Variants in SRM observed in about 807,000 individuals in gnomAD.
SRM encodes the protein putrescine aminopropyltransferase.
A neutral mutation model predicts 39.3 loss-of-function variants in SRM; 14 were observed. The observed-to-expected ratio is 0.36, with a 90% confidence interval of 0.24 to 0.56. The LOEUF (loss-of-function observed/expected upper bound fraction) is 0.56, where lower values mean the gene tolerates loss of function less well. SRM is among the 20% of genes least tolerant of loss of function. The pLI, the probability that SRM is intolerant of heterozygous loss-of-function variation, is 0.86. For synonymous variants in SRM, 195 were observed against 173.1 expected (o/e 1.13, Z -0.99); for missense variants, 244 against 409.2 (o/e 0.60, Z 3.48).
chr1:11,054,751 C>A lies in SRM; in HGVS notation c.*114G>T. On this transcript the variant is annotated 3_prime_UTR_variant, in exon 8 of 8. Coordinates refer to ENST00000376957, the MANE Select transcript of SRM (RefSeq NM_003132.3). This position sits in a 1 kb window ranked among gnomAD's most constrained non-coding sequence, Gnocchi z 4.8. ...GGGCAGCATTCTGGGGCTTGTAACA[C>A]TTGGTTGGTGGGCGAGAGCCAGCAG... 7.0e-7 allele frequency: 1 copy of A among 1,433,732 alleles called. No homozygotes were observed. The highest frequency in any genetic ancestry group is 9.3e-7 in the Non-Finnish European group (1 of 1,076,090). 88.8% of individuals were successfully genotyped at this position (1,433,732 alleles called of 1,614,324 possible).
chr1:11,056,771 G>T lies in SRM; in HGVS notation c.382-14C>A. The T allele has an allele frequency of 6.2e-7, 1 of 1,614,018 alleles. No homozygotes were observed. The highest frequency in any genetic ancestry group is 8.5e-7 in the Non-Finnish European group (1 of 1,179,960). On this transcript the variant is annotated splice_polypyrimidine_tract_variant and intron_variant, in intron 3 of 7. Transcript: ENST00000376957. ...TTGGATGACATCCTGGAGGGGATGG[G>T]AGGGACCAGTCTGGGCCAAGGGGCT...
chr1:11,058,661 C>G (rs1236072931), intron 3 of SRM, 139 bp downstream of exon 3: 1 of 689,676 alleles, frequency 1.4e-6, no homozygotes, highest in Non-Finnish European at 2.3e-6. Flanking sequence ...GGTTTTCCTA[C>G]TGAACCCTCC....
rs758392295 is a variant in SRM at position 11,055,119 on chromosome 1, A to AC, written c.766-36dup. On this transcript the variant is annotated intron_variant, in intron 6 of 7. Coordinates refer to ENST00000376957, the MANE Select transcript of SRM (RefSeq NM_003132.3). ...GGGCCAGGGGCACATCAGGGGGGGC[A>AC]CTTTTTTTTTTTTTTTTTTGAGACG... is the stretch of plus-strand genomic sequence containing the variant. 2.8e-6 allele frequency: 4 copies of AC among 1,438,752 alleles called. No individual in the cohort carries two copies. The African/African-American group carries it at 4.7e-5, about 17-fold the overall frequency. The allele number at this position is 1,438,752 out of a possible 1,614,324, so 89.1% of individuals were successfully genotyped here.
At chr1:11,055,752 A>ACCCCCCCCCCCCAACCCC in intron 6 of SRM, 29 bp downstream of exon 6, 1 of 1,466,030 alleles carries the variant, frequency 6.8e-7, no homozygotes, top group Non-Finnish European at 9.3e-7. Flanking sequence ...CTTCCCCCCA[A>ACCCCCCCCCCCCAACCCC]CCCCCACCCC....
chr1:11,059,122 C>A, intron 2 of SRM, 103 bp downstream of exon 2: 1 of 1,578,826 alleles, frequency 6.3e-7, no homozygotes, highest in Non-Finnish European at 8.6e-7. Flanking sequence ...CCTGGCCTCG[C>A]TAGCACTTTC....
intron 3 of SRM, among the ~76,000 whole-genome samples, 191 bp from the exon 4 acceptor site, chr1:11,056,948 G>A (rs1199717928): frequency 6.6e-6 from 1 of 151,976 alleles, no homozygotes; most frequent in Non-Finnish European, 1.5e-5. Flanking sequence ...CATCGATCAT[G>A]GCTCACTACA....
intron 1 of SRM, chr1:11,059,547 T>C (rs1638939941): frequency 2.1e-6 from 2 of 972,642 alleles, no homozygotes; most frequent in Admixed American, 5.6e-5. Flanking sequence ...GGCTCTGACG[T>C]GTCCTGAGGG....
intron 1 of SRM, 88 bp downstream of exon 1, chr1:11,059,689 G>T: frequency 1.4e-6 from 2 of 1,419,710 alleles, no homozygotes; most frequent in South Asian, 1.3e-5. Flanking sequence ...CAGCCCGCTT[G>T]GGTCCCGGCG....
intron 1 of SRM, 200 bp downstream of exon 1, chr1:11,059,577 G>T: frequency 2.2e-6 from 2 of 902,802 alleles, no homozygotes; most frequent in Admixed American, 2.9e-5. Flanking sequence ...GGAGCGGGGC[G>T]CAGACTCCGA....
rs761730283 is a variant in SRM at position 11,059,824 on chromosome 1, C to T, written c.120G>A (p.Leu40=). 271 of 1,575,912 alleles carry T rather than the reference C, an allele frequency of 1.7e-4. No individual in the cohort carries two copies. Among genetic ancestry groups the T allele is most frequent in the Non-Finnish European group, 2.3e-4 (267 of 1,170,854 alleles). The change falls in exon 1 of 8, where the codon CTG becomes CTA. Residue 40 remains leucine (L), a synonymous_variant. Coordinates refer to ENST00000376957, the MANE Select transcript of SRM (RefSeq NM_003132.3). ...GGTAGCGCGAGCGCCGGTGGTGGAG[C>T]AGCTGCTCCACCTGCAGTGACAGGG... The part of the protein sequence containing the change: ...GQALSLQVEQ[L]LHHRRSRYQD...
At position 11,056,734 on chromosome 1, in the gene SRM, C is replaced by T; in HGVS notation, c.405G>A (p.Lys135=). The change falls in exon 4 of 8, where the codon AAG becomes AAA. Residue 135 remains lysine, a synonymous_variant. Transcript: ENST00000376957. ...AGCCAATGGCCATGCCTGGCAGGAA[C>T]TTCTTGGAGACTTGGATGACATCCT... The part of the protein sequence containing the change: ...IDEDVIQVSK[K]FLPGMAIGYS... 5.6e-6 allele frequency: 9 copies of T among 1,614,186 alleles called. No individual in the cohort carries two copies. Among genetic ancestry groups the T allele is most frequent in the Non-Finnish European group, 7.6e-6 (9 of 1,180,024 alleles).
At position 11,054,625 on chromosome 1, in the gene SRM, A is replaced by C; in HGVS notation, c.*240T>G. 1.8e-6 allele frequency: 1 copy of C among 559,848 alleles called. No individual in the cohort carries two copies. The highest frequency in any genetic ancestry group is 1.9e-5 in the African/African-American group (1 of 52,448). 34.7% of individuals were successfully genotyped at this position (559,848 alleles called of 1,614,324 possible). On this transcript the variant is annotated 3_prime_UTR_variant, in exon 8 of 8. Coordinates refer to ENST00000376957, the MANE Select transcript of SRM (RefSeq NM_003132.3). This position sits in a 1 kb window ranked among gnomAD's most constrained non-coding sequence, Gnocchi z 4.8. ...TACACGTGTTTGGTGAGTGAGGGGC[A>C]ACAGAAGGCAGAGAGATGGCGCTGT... is the stretch of plus-strand genomic sequence containing the variant.
chr1:11,058,771 C>T, intron 3 of SRM, 29 bp downstream of exon 3: 1 of 1,577,018 alleles, frequency 6.3e-7, no homozygotes, highest in Non-Finnish European at 8.6e-7. Flanking sequence ...AGAACCAGGA[C>T]TCAAACCTGG....
chr1:11,054,596 T>C lies in SRM; in HGVS notation c.*269A>G. The C allele has an allele frequency of 2.0e-6, 1 of 498,792 alleles. No individual in the cohort carries two copies. The highest frequency in any genetic ancestry group is 3.5e-6 in the Non-Finnish European group (1 of 285,476). The allele number at this position is 498,792 out of a possible 1,614,324, so 30.9% of individuals were successfully genotyped here. A position where few individuals can be genotyped will look rare whatever the true frequency, so the allele number is the denominator to read the frequency against. ...AGACACAGGACTCCAATCTTTGCTA[T>C]AAATACACGTGTTTGGTGAGTGAGG... On this transcript the variant is annotated 3_prime_UTR_variant, in exon 8 of 8. Coordinates refer to ENST00000376957, the MANE Select transcript of SRM (RefSeq NM_003132.3). The surrounding 1 kb of genome is among the most constrained non-coding windows in gnomAD (Gnocchi z 4.8).
chr1:11,058,781 G>T lies in SRM; in HGVS notation c.381+19C>A. 1.3e-6 allele frequency: 2 copies of T among 1,591,926 alleles called. No homozygotes were observed. The highest frequency in any genetic ancestry group is 8.5e-7 in the Non-Finnish European group (1 of 1,169,960). The stretch of plus-strand genomic sequence containing the variant: ...CTGGGAGAACCAGGACTCAAACCTG[G>T]CTCTACGCCGGCACTCACCTCGTCG... On this transcript the variant is annotated intron_variant, in intron 3 of 7. Transcript: ENST00000376957.
intron 3 of SRM, among the ~76,000 whole-genome samples, chr1:11,058,181 G>A (rs757033421): frequency 3.3e-5 from 5 of 152,188 alleles, no homozygotes; most frequent in Non-Finnish European, 7.3e-5. Context: ...CACGTAGCAT[G>A]ATTTTAGTGA....
At chr1:11,056,860 G>A in intron 3 of SRM, 103 bp from the exon 4 acceptor site, 3 of 1,194,514 alleles carry the variant, frequency 2.5e-6, no homozygotes, top group African/African-American at 1.5e-5. Flanking sequence ...AAGCCGCCTT[G>A]GCCAACCCCT....
At position 11,055,153 on chromosome 1, in the gene SRM, C is replaced by G. The variant is rs114171716; in HGVS notation, c.766-69G>C. ...TTTTTTTTTTTGAGACGGAGTCTCACTGTTGCCACGCTGGAGTGCAGTGGC... is the reference window on the plus strand; with the variant it reads ...TTTTTTTTTTTGAGACGGAGTCTCAGTGTTGCCACGCTGGAGTGCAGTGGC... On this transcript the variant is annotated intron_variant, in intron 6 of 7. Coordinates refer to ENST00000376957, the MANE Select transcript of SRM (RefSeq NM_003132.3). 1.5e-3 allele frequency: 2,304 copies of G among 1,502,238 alleles called. 33 individuals are homozygous for G. In the African/African-American group the frequency reaches 0.029, roughly 19 times the overall value. The allele number at this position is 1,502,238 out of a possible 1,614,324, so 93.1% of individuals were successfully genotyped here. A position where few individuals can be genotyped will look rare whatever the true frequency, so the allele number is the denominator to read the frequency against.
At position 11,056,099 on chromosome 1, in the gene SRM, G is replaced by A; in HGVS notation, c.536-5C>T. On this transcript the variant is annotated splice_polypyrimidine_tract_variant and splice_region_variant and intron_variant, in intron 4 of 7. Coordinates refer to ENST00000376957, the MANE Select transcript of SRM (RefSeq NM_003132.3). ...TGAAGAGACTTTCGGCGGGGCCTGG[G>A]GAAGACAGAGGGAGACACACTGAAC... The A allele has an allele frequency of 1.2e-6, 2 of 1,604,998 alleles. No individual in the cohort carries two copies. Among genetic ancestry groups the A allele is most frequent in the Non-Finnish European group, 1.7e-6 (2 of 1,175,396 alleles).
Sources: gnomAD v4.1 joint callset for allele counts (sites outside exome capture counted in the v4.1 genomes callset) on GRCh38, gnomAD v4.1.1 for gene constraint, Gnocchi (gnomAD v3.1) non-coding constraint, MANE v1.5 for transcripts, NCBI Gene and HGNC (gene_info 2026-07-23, HGNC 2026-07-21) for gene names.